Variants in GLRA3 observed in about 807,000 individuals in gnomAD.
GLRA3 encodes the protein glycine receptor subunit alpha-3.
Under a neutral mutation model 60.4 loss-of-function variants are expected in GLRA3, and 44 were observed. The observed-to-expected ratio is 0.73, with a 90% confidence interval of 0.57 to 0.94. GLRA3 has a LOEUF of 0.94. GLRA3 is among the 40% of genes least tolerant of loss of function. The pLI, the probability that GLRA3 is intolerant of heterozygous loss-of-function variation, is 0.00. For synonymous variants in GLRA3, 223 were observed against 192.9 expected, an observed-to-expected ratio of 1.16 and a Z score of -1.29; for missense variants, 508 against 564.6, an observed-to-expected ratio of 0.90 and a Z score of 1.02.
intron 3 of GLRA3, among the ~76,000 whole-genome samples, chr4:174,742,706 A>G (rs1446263538): frequency 6.6e-6 from 1 of 152,214 alleles, no homozygotes; most frequent in Non-Finnish European, 1.5e-5. Flanking sequence ...GAAAAATGAT[A>G]GCTTTTAAAG....
intron 5 of GLRA3, among the ~76,000 whole-genome samples, chr4:174,687,174 T>C (rs910629933): frequency 6.6e-6 from 1 of 152,222 alleles, no homozygotes; most frequent in African/African-American, 2.4e-5. Flanking sequence ...GTATTTTTAC[T>C]GCCATATCTT....
chr4:174,789,899 C>A (rs558394109), intron 1 of GLRA3, among the ~76,000 whole-genome samples: 7 of 152,164 alleles, frequency 4.6e-5, no homozygotes, highest in Non-Finnish European at 1.0e-4. Context: ...CAGGACATTG[C>A]CAAATCAAAC....
intron 3 of GLRA3, among the ~76,000 whole-genome samples, chr4:174,755,919 C>A (rs773983608): frequency 4.0e-5 from 6 of 151,770 alleles, no homozygotes; most frequent in Non-Finnish European, 8.8e-5. Flanking sequence ...GAGTGAAAAC[C>A]AAATTACCCG....
At chr4:174,671,323 G>A (rs1280143157) in intron 7 of GLRA3, among the ~76,000 whole-genome samples, 1 of 152,034 alleles carries the variant, frequency 6.6e-6, no homozygotes, top group Non-Finnish European at 1.5e-5. Flanking sequence ...TGATTACTAT[G>A]TAGCTCTCCT....
At chr4:174,824,209 T>C (rs1442364991) in intron 1 of GLRA3, among the ~76,000 whole-genome samples, 5 of 152,212 alleles carry the variant, frequency 3.3e-5, no homozygotes, top group African/African-American at 7.2e-5. Context: ...TATATTTCAG[T>C]ATTTCTTTTA....
intron 3 of GLRA3, among the ~76,000 whole-genome samples, chr4:174,742,901 T>TCC (rs1410527519): frequency 3.3e-5 from 5 of 152,160 alleles, no homozygotes; most frequent in Admixed American, 6.5e-5. Context: ...TTATTGAAGA[T>TCC]CCATTCTGTT....
intron 2 of GLRA3, among the ~76,000 whole-genome samples, chr4:174,785,009 T>C (rs1422029161): frequency 6.6e-6 from 1 of 152,168 alleles, no homozygotes; most frequent in Non-Finnish European, 1.5e-5. Flanking sequence ...TATTTCAGTA[T>C]TGATTTAAAT....
At chr4:174,794,113 A>G (rs1739468576) in intron 1 of GLRA3, among the ~76,000 whole-genome samples, 1 of 152,014 alleles carries the variant, frequency 6.6e-6, no homozygotes, top group Non-Finnish European at 1.5e-5. Flanking sequence ...TCCAAATGTT[A>G]CAATTGAACA....
intron 9 of GLRA3, 83 bp from the exon 10 acceptor site, chr4:174,644,147 A>G (rs1487599753): frequency 1.3e-6 from 1 of 758,490 alleles, no homozygotes; most frequent in East Asian, 2.5e-5. Context: ...AACCAATTTT[A>G]TCATGGTTAA....
intron 5 of GLRA3, among the ~76,000 whole-genome samples, chr4:174,714,083 CT>C (rs1449866936): frequency 6.6e-6 from 1 of 152,180 alleles, no homozygotes; most frequent in Non-Finnish European, 1.5e-5. Context: ...CATAATTGCT[CT>C]TTGTCCTACT....
intron 2 of GLRA3, among the ~76,000 whole-genome samples, chr4:174,769,733 A>G (rs1042066033): frequency 1.3e-5 from 2 of 152,042 alleles, no homozygotes; most frequent in African/African-American, 4.8e-5. Context: ...TTAGTGGAAC[A>G]TATGCTCCAG....
intron 1 of GLRA3, among the ~76,000 whole-genome samples, chr4:174,823,340 T>C (rs1179789326): frequency 1.3e-5 from 2 of 152,082 alleles, no homozygotes; most frequent in East Asian, 1.9e-4. Flanking sequence ...CTGGCTAACA[T>C]AGTGAAAACC....
intron 2 of GLRA3, among the ~76,000 whole-genome samples, chr4:174,768,692 CATT>C (rs1156238380): frequency 6.6e-6 from 1 of 152,096 alleles, no homozygotes; most frequent in Non-Finnish European, 1.5e-5. Context: ...AATATTCCAT[CATT>C]AACATTTTAG....
chr4:174,774,049 G>A (rs1738497168), intron 2 of GLRA3, among the ~76,000 whole-genome samples: 1 of 151,968 alleles, frequency 6.6e-6, no homozygotes, highest in Non-Finnish European at 1.5e-5. Context: ...ATCCTGGCTT[G>A]CAGAGTTGGA....
intron 3 of GLRA3, among the ~76,000 whole-genome samples, chr4:174,754,994 C>T (rs1010548100): frequency 1.6e-4 from 25 of 151,938 alleles, no homozygotes; most frequent in African/African-American, 5.8e-4. Context: ...ATAAAAAAGC[C>T]AAGTTCATTA....
chr4:174,679,499 C>T (rs1399567772), intron 6 of GLRA3, among the ~76,000 whole-genome samples: 1 of 151,982 alleles, frequency 6.6e-6, no homozygotes, highest in African/African-American at 2.4e-5. Context: ...ATAGGAGTTC[C>T]TTTAAAAAGT....
chr4:174,784,224 A>AT (rs1739022725), intron 2 of GLRA3, among the ~76,000 whole-genome samples: 1 of 100,376 alleles, frequency 1.0e-5, no homozygotes, highest in Non-Finnish European at 2.1e-5. Flanking sequence ...CAAGAACAAA[A>AT]CCAAACACCG....
At position 174,691,848 on chromosome 4, in the gene GLRA3, C is replaced by T. The variant is rs1483255781; in HGVS notation, c.575-8909G>A. Among the ~76,000 whole-genome samples, 12 of 151,880 alleles carry T rather than the reference C, an allele frequency of 7.9e-5. No homozygotes were observed. The South Asian group carries it at 1.7e-3, about 21-fold the overall frequency. On this transcript the variant is annotated intron_variant, in intron 5 of 9. Coordinates refer to ENST00000274093, the MANE Select transcript of GLRA3 (RefSeq NM_006529.4). ...GAAGTGAGGAGCGTCTCTGCCTGGC[C>T]GCCCATCGTCTGGGATGTGAGGAGC... is the stretch of plus-strand genomic sequence containing the variant.
chr4:174,648,021 A>C (rs1017536892), intron 9 of GLRA3, among the ~76,000 whole-genome samples: 2 of 152,216 alleles, frequency 1.3e-5, no homozygotes, highest in African/African-American at 4.8e-5. Flanking sequence ...AGGAGCTGAT[A>C]ACATATTTTT....
Sources: allele counts gnomAD v4.1 joint callset (sites outside exome capture counted in the v4.1 genomes callset), GRCh38; gene constraint gnomAD v4.1.1; transcripts MANE v1.5; gene names NCBI Gene and HGNC (gene_info 2026-07-23, HGNC 2026-07-21).